Variants in AKAP13 observed in about 807,000 individuals in gnomAD.
The protein encoded by AKAP13 is A-kinase anchor protein 13.
In AKAP13, 80 loss-of-function variants were observed where a neutral mutation model predicts 264.5. The ratio of observed to expected loss-of-function variants is 0.30; its 90% CI spans 0.25 to 0.36. The LOEUF (loss-of-function observed/expected upper bound fraction) is 0.36, where lower values mean the gene tolerates loss of function less well. Among genes scored for constraint, AKAP13 ranks in the 10% least tolerant of loss-of-function variants. The pLI is 1.00. For synonymous variants in AKAP13, 1,380 were observed against 1,250.2 expected (o/e 1.10, Z -2.19); for missense variants, 3,712 against 3,435.2 (o/e 1.08, Z -2.01).
intron 8 of AKAP13, chr15:85,620,219 T>C (rs1425292348): frequency 6.5e-7 from 1 of 1,526,924 alleles, no homozygotes; most frequent in Non-Finnish European, 8.8e-7. Flanking sequence ...GCAGGCTGTT[T>C]TAGCGCTTTG....
chr15:85,419,549 G>C (rs1409181673), intron 1 of AKAP13, among the ~76,000 whole-genome samples: 1 of 152,198 alleles, frequency 6.6e-6, no homozygotes, highest in African/African-American at 2.4e-5. Context: ...TCATTTAAGA[G>C]TGAAAGATTC....
intron 2 of AKAP13, among the ~76,000 whole-genome samples, chr15:85,512,307 CA>C (rs1190471269): frequency 3.6e-4 from 55 of 152,286 alleles, no homozygotes; most frequent in African/African-American, 1.3e-3. Flanking sequence ...ACCCAAGCAA[CA>C]CGTTTGGGTT....
In AKAP13 at chr15:85,708,555, T is replaced by C. The variant is rs115285834; in HGVS notation, c.5532+469T>C. ...CACTTTTCTCCTCAGGTATGTAATA[T>C]AGGTGGCTCTGATCACATGACGTAA... On this transcript the variant is annotated intron_variant, in intron 18 of 36. Transcript: ENST00000394518. The surrounding 1 kb of genome is among the most constrained non-coding windows in gnomAD (Gnocchi z 4.3). Among the ~76,000 whole-genome samples, 1,267 of 152,210 alleles carry C rather than the reference T, an allele frequency of 8.3e-3. 18 individuals are homozygous for C. The highest frequency in any genetic ancestry group is 0.029 in the African/African-American group (1,202 of 41,506).
chr15:85,514,242 A>C (rs1481570606), intron 2 of AKAP13, among the ~76,000 whole-genome samples: 1 of 136,230 alleles, frequency 7.3e-6, no homozygotes, highest in Non-Finnish European at 1.6e-5. Context: ...ACTCATAGGA[A>C]CTCCCTTCTC....
intron 1 of AKAP13, among the ~76,000 whole-genome samples, chr15:85,440,531 C>G (rs1382003318): frequency 6.6e-6 from 1 of 152,038 alleles, no homozygotes; most frequent in Non-Finnish European, 1.5e-5. Context: ...GATAAAGGAG[C>G]TTTCTTCTTT....
chr15:85,741,637 A>T, intron 35 of AKAP13, 142 bp downstream of exon 35: 2 of 1,206,722 alleles, frequency 1.7e-6, no homozygotes, highest in African/African-American at 1.6e-5. Flanking sequence ...GCACTTTAGG[A>T]GGCTGAGGTG....
intron 1 of AKAP13, among the ~76,000 whole-genome samples, chr15:85,458,074 A>C (rs1335251664): frequency 4.7e-5 from 7 of 150,522 alleles, no homozygotes; most frequent in Non-Finnish European, 8.8e-5. Flanking sequence ...CGGGAAGCAG[A>C]GGTTGCAGTG....
At chr15:85,476,765 G>A (rs909702978) in intron 1 of AKAP13, among the ~76,000 whole-genome samples, 1 of 152,136 alleles carries the variant, frequency 6.6e-6, no homozygotes, top group African/African-American at 2.4e-5. Flanking sequence ...ATACTAGAAG[G>A]TTGTCTCTAA....
At chr15:85,564,893 C>T (rs2078547767) in intron 5 of AKAP13, among the ~76,000 whole-genome samples, 1 of 152,106 alleles carries the variant, frequency 6.6e-6, no homozygotes, top group Admixed American at 6.5e-5. Flanking sequence ...ATGGGGCTTC[C>T]AGATGAGTAA....
At chr15:85,445,088 C>A (rs539961321) in intron 1 of AKAP13, among the ~76,000 whole-genome samples, 26 of 152,306 alleles carry the variant, frequency 1.7e-4, no homozygotes, top group African/African-American at 6.0e-4. Flanking sequence ...CCCTTATCCT[C>A]TGATCTCTGA....
chr15:85,418,722 T>C (rs1445338997), intron 1 of AKAP13, among the ~76,000 whole-genome samples: 2 of 152,214 alleles, frequency 1.3e-5, no homozygotes, highest in Non-Finnish European at 2.9e-5. Flanking sequence ...AATTTTTACT[T>C]CTCTGAACAG....
rs536151842 is a variant in AKAP13, at chr15:85,740,016, A to C, written c.7558-206A>C. Among the ~76,000 whole-genome samples, 166 of 152,250 alleles carry C rather than the reference A, an allele frequency of 1.1e-3. 2 individuals carry two copies. Among genetic ancestry groups the C allele is most frequent in the African/African-American group, 4.0e-3 (166 of 41,542 alleles). On this transcript the variant is annotated intron_variant, in intron 33 of 36. Coordinates refer to ENST00000394518, the MANE Select transcript of AKAP13 (RefSeq NM_007200.5). ...ACTTGTGCTGATGTTCCTCCTATACATAGGTCACTGTGGTCTTCGTTTGTT... is the reference window on the plus strand; with the variant it reads ...ACTTGTGCTGATGTTCCTCCTATACCTAGGTCACTGTGGTCTTCGTTTGTT...
chr15:85,598,561 T>C (rs1399863209), intron 8 of AKAP13, among the ~76,000 whole-genome samples: 1 of 152,228 alleles, frequency 6.6e-6, no homozygotes, highest in African/African-American at 2.4e-5. Context: ...GATGTTACTC[T>C]TGTGCATTTC....
At chr15:85,669,418 T>A (rs964606695) in intron 13 of AKAP13, among the ~76,000 whole-genome samples, 1 of 152,214 alleles carries the variant, frequency 6.6e-6, no homozygotes, top group Non-Finnish European at 1.5e-5. Flanking sequence ...TTACTAAGTT[T>A]GAAACATTGT....
chr15:85,573,013 G>A (rs2078878537), intron 5 of AKAP13, among the ~76,000 whole-genome samples: 1 of 152,092 alleles, frequency 6.6e-6, no homozygotes, highest in African/African-American at 2.4e-5. Context: ...CCTTTTTTAT[G>A]GCTGCTACTG....
At chr15:85,693,524 TC>T in intron 17 of AKAP13, 73 bp downstream of exon 17, 3 of 1,576,604 alleles carry the variant, frequency 1.9e-6, no homozygotes, top group South Asian at 1.2e-5. Context: ...TTGTTTCCTG[TC>T]CCCACTCATT....
chr15:85,646,713 T>C (rs2082575630), intron 10 of AKAP13, among the ~76,000 whole-genome samples: 1 of 152,222 alleles, frequency 6.6e-6, no homozygotes. Flanking sequence ...CATCCTCATC[T>C]AGCCTGCCTA....
chr15:85,592,333 C>G (rs1266811241), intron 8 of AKAP13, among the ~76,000 whole-genome samples: 2 of 152,158 alleles, frequency 1.3e-5, no homozygotes, highest in Non-Finnish European at 2.9e-5. Context: ...TGGCTGTTCA[C>G]AGACTTCATG....
intron 3 of AKAP13, among the ~76,000 whole-genome samples, chr15:85,523,831 A>G (rs1006936256): frequency 7.9e-6 from 1 of 127,364 alleles, no homozygotes; most frequent in Admixed American, 8.9e-5. Context: ...TTGTTTTTTA[A>G]TAAATTCAAA....
Sources: allele counts gnomAD v4.1 joint callset (sites outside exome capture counted in the v4.1 genomes callset), GRCh38; gene constraint gnomAD v4.1.1; non-coding constraint Gnocchi (gnomAD v3.1); transcripts MANE v1.5; gene names NCBI Gene and HGNC (gene_info 2026-07-23, HGNC 2026-07-21).